The following INSR variants were observed in gnomAD, a reference collection of about 807,000 sequenced individuals.
The protein encoded by INSR is insulin receptor.
Under a neutral mutation model 142.6 loss-of-function variants are expected in INSR, and 67 were observed. The observed-to-expected ratio is 0.47, with a 90% CI of 0.39 to 0.58. INSR has a LOEUF of 0.58. Ranked by LOEUF, INSR falls within the 20% of genes least tolerant of loss-of-function variation. The pLI is 0.00. For missense variants in INSR, 1,248 were observed against 1,833.2 expected, an observed-to-expected ratio of 0.68 and a Z score of 5.83; for synonymous variants, 756 against 743.1, an observed-to-expected ratio of 1.02 and a Z score of -0.28.
At chr19:7,158,299 G>C (rs1252316215) in intron 9 of INSR, among the ~76,000 whole-genome samples, 1 of 151,888 alleles carries the variant, frequency 6.6e-6, no homozygotes, top group Non-Finnish European at 1.5e-5. Context: ...AGGAGATCGA[G>C]ACCATCCTGG....
At chr19:7,152,626 C>T (rs1288060979) in intron 10 of INSR, 100 bp downstream of exon 10, 2 of 970,546 alleles carry the variant, frequency 2.1e-6, no homozygotes, top group South Asian at 2.6e-5. Flanking sequence ...ACCCTTCTGC[C>T]GTCTCTGGGT....
rs756191339 is a variant in INSR at position 7,168,751 on chromosome 19, C to G, written c.1484-657G>C. ...AGCTGGGATTACAGGCACCCACCAC[C>G]ACGTCCAGCTAGTTTTTGTATTTTT... On this transcript the variant is annotated intron_variant, in intron 6 of 21. Coordinates refer to ENST00000302850, the MANE Select transcript of INSR (RefSeq NM_000208.4). The surrounding 1 kb of genome is among the most constrained non-coding windows in gnomAD (Gnocchi z 4.3). 2.7e-5 allele frequency among the ~76,000 whole-genome samples: 4 copies of G among 150,754 alleles called. No individual in the cohort carries two copies. The highest frequency in any genetic ancestry group is 5.9e-5 in the Non-Finnish European group (4 of 67,914).
In INSR at chr19:7,286,050, G is replaced by T. The variant is rs188204762; in HGVS notation, c.100+7742C>A. Reference sequence around the variant, plus strand: ...GGCTGGATGCAGTGGTGCAATCACAGCTCACTGGCGCCTCGACTTCCCAGG... The same window carrying T: ...GGCTGGATGCAGTGGTGCAATCACATCTCACTGGCGCCTCGACTTCCCAGG... On this transcript the variant is annotated intron_variant, in intron 1 of 21. Transcript: ENST00000302850. Among the ~76,000 whole-genome samples, 1,511 of 152,246 alleles carry T rather than the reference G, an allele frequency of 9.9e-3. 22 individuals are homozygous for T. The highest frequency in any genetic ancestry group is 0.034 in the African/African-American group (1,415 of 41,524).
chr19:7,235,143 A>G (rs998618305), intron 2 of INSR, among the ~76,000 whole-genome samples: 9 of 152,116 alleles, frequency 5.9e-5, no homozygotes, highest in African/African-American at 2.2e-4. Flanking sequence ...CCAGTATTCA[A>G]TCATCACTTG....
rs1232936232 is a variant in INSR at position 7,294,058 on chromosome 19, C to A, written c.-167G>T. On this transcript the variant is annotated 5_prime_UTR_variant, in exon 1 of 22. Coordinates refer to ENST00000302850, the MANE Select transcript of INSR (RefSeq NM_000208.4). ...CCTGCCGGGGAGGGCCCAGAGGCAG[C>A]CCCGGGAAGGGCGCGCGCGGCTTCG... 1.5e-6 allele frequency: 1 copy of A among 676,784 alleles called. No individual in the cohort carries two copies. The highest frequency in any genetic ancestry group is 1.9e-6 in the Non-Finnish European group (1 of 522,318). 41.9% of individuals were successfully genotyped at this position (676,784 alleles called of 1,614,324 possible).
chr19:7,128,415 T>C (rs1972697100), intron 15 of INSR, among the ~76,000 whole-genome samples: 1 of 151,982 alleles, frequency 6.6e-6, no homozygotes. Context: ...GGTTTCACCA[T>C]GTTGGCCAGG....
intron 9 of INSR, among the ~76,000 whole-genome samples, chr19:7,157,787 T>C (rs1322835203): frequency 6.6e-6 from 1 of 151,742 alleles, no homozygotes; most frequent in East Asian, 1.9e-4. Context: ...AATTCCATTT[T>C]CTCTCCTCCC....
intron 9 of INSR, among the ~76,000 whole-genome samples, chr19:7,155,586 G>C (rs1400522939): frequency 6.8e-6 from 1 of 147,150 alleles, no homozygotes; most frequent in Non-Finnish European, 1.5e-5. Flanking sequence ...GCTGGAAGGG[G>C]GTGAGAGAGA....
rs899036258 is a variant in INSR at position 7,216,356 on chromosome 19, T to C, written c.653-31719A>G. ...AAAAGAAGATGGATGTAACTGACTG[T>C]GCCTCTGAAATCCTAAACAGAATAT... On this transcript the variant is annotated intron_variant, in intron 2 of 21. Transcript: ENST00000302850. This position sits in a 1 kb window ranked among gnomAD's most constrained non-coding sequence, Gnocchi z 4.2. Among the ~76,000 whole-genome samples, 1 of 152,146 alleles carries C rather than the reference T, an allele frequency of 6.6e-6. No individual in the cohort carries two copies. The highest frequency in any genetic ancestry group is 6.6e-5 in the Admixed American group (1 of 15,266).
intron 2 of INSR, among the ~76,000 whole-genome samples, chr19:7,222,960 A>G (rs1211386684): frequency 6.6e-6 from 1 of 152,172 alleles, no homozygotes; most frequent in Non-Finnish European, 1.5e-5. Flanking sequence ...AGGAGGGCGG[A>G]TCACCTGAGG....
At chr19:7,222,729 T>C (rs1975657804) in intron 2 of INSR, among the ~76,000 whole-genome samples, 1 of 152,070 alleles carries the variant, frequency 6.6e-6, no homozygotes, top group African/African-American at 2.4e-5. Flanking sequence ...GTCCACTCCT[T>C]GCTCTTGGTG....
At chr19:7,126,733 G>A in intron 15 of INSR, 82 bp from the exon 16 acceptor site, 1 of 1,217,176 alleles carries the variant, frequency 8.2e-7, no homozygotes. Context: ...ACTCCCCAAG[G>A]CAAATGGCAG....
At chr19:7,188,575 A>T (rs1323355322) in intron 2 of INSR, among the ~76,000 whole-genome samples, 1 of 147,852 alleles carries the variant, frequency 6.8e-6, no homozygotes, top group Non-Finnish European at 1.5e-5. Context: ...CAAGAATATT[A>T]GGAAGTTCTA....
rs1568201984 is a variant in INSR, at chr19:7,225,700, C to CG, written c.653-41064_653-41063insC. ...GATGATGGGCTCTTGGTTTCCATTT[C>CG]CCCCCCCTCAAAAAAAGAGCAGAGA... On this transcript the variant is annotated intron_variant, in intron 2 of 21. Coordinates refer to ENST00000302850, the MANE Select transcript of INSR (RefSeq NM_000208.4). This position sits in a 1 kb window ranked among gnomAD's most constrained non-coding sequence, Gnocchi z 4.7. 2.1e-4 allele frequency among the ~76,000 whole-genome samples: 7 copies of CG among 33,100 alleles called. 1 individual carries two copies. The Admixed American group carries it at 2.1e-3, about 10-fold the overall frequency. The allele number at this position is 33,100 out of a possible 152,430, so 21.7% of individuals were successfully genotyped here.
chr19:7,119,696 A>G lies in INSR; in HGVS notation c.3660-113T>C, dbSNP rs1972432540. ...CACACACACGCAAACACACATGCCA[A>G]CACATACATGCAAACACACACATGC... On this transcript the variant is annotated intron_variant, in intron 20 of 21. Transcript: ENST00000302850. This position sits in a 1 kb window ranked among gnomAD's most constrained non-coding sequence, Gnocchi z 5.2. 2 of 1,193,540 alleles carry G rather than the reference A, an allele frequency of 1.7e-6. No individual in the cohort carries two copies. The highest frequency in any genetic ancestry group is 4.8e-5 in the East Asian group (2 of 41,950). 73.9% of individuals were successfully genotyped at this position (1,193,540 alleles called of 1,614,324 possible).
chr19:7,153,982 G>C (rs1973519531), intron 9 of INSR, among the ~76,000 whole-genome samples: 1 of 152,100 alleles, frequency 6.6e-6, no homozygotes, highest in South Asian at 2.1e-4. Flanking sequence ...CCAACATGGT[G>C]AAACCCCGTC....
At position 7,166,107 on chromosome 19, in the gene INSR, A is replaced by G; in HGVS notation, c.1861+47T>C. 6.2e-7 allele frequency: 1 copy of G among 1,611,444 alleles called. No homozygotes were observed. The highest frequency in any genetic ancestry group is 8.5e-7 in the Non-Finnish European group (1 of 1,178,010). On this transcript the variant is annotated intron_variant, in intron 8 of 21. Coordinates refer to ENST00000302850, the MANE Select transcript of INSR (RefSeq NM_000208.4). The surrounding 1 kb of genome is among the most constrained non-coding windows in gnomAD (Gnocchi z 4.1). ...CTCACTGCATCAGCCTATTAAAAGC[A>G]AGAGGTCTGATTCACATACGAATTC...
intron 3 of INSR, among the ~76,000 whole-genome samples, chr19:7,183,263 G>T (rs1974320906): frequency 6.8e-6 from 1 of 146,480 alleles, no homozygotes; most frequent in Admixed American, 6.9e-5. Flanking sequence ...GTTGTTTTGT[G>T]GTGTGTGTGT....
At chr19:7,191,396 C>T (rs901657945) in intron 2 of INSR, among the ~76,000 whole-genome samples, 2 of 145,240 alleles carry the variant, frequency 1.4e-5, no homozygotes, top group African/African-American at 5.1e-5. Context: ...AAAAGCCACT[C>T]GGGGTGGCCA....
Sources: allele counts gnomAD v4.1 joint callset (sites outside exome capture counted in the v4.1 genomes callset), GRCh38; gene constraint gnomAD v4.1.1; non-coding constraint Gnocchi (gnomAD v3.1); transcripts MANE v1.5; gene names NCBI Gene and HGNC (gene_info 2026-07-23, HGNC 2026-07-21).